The following PHF20L1 variants were observed in gnomAD, a reference collection of about 807,000 sequenced individuals.
PHF20L1 encodes the protein PHD finger protein 20-like protein 1.
A neutral mutation model predicts 125.5 loss-of-function variants in PHF20L1; 44 were observed. The observed-to-expected ratio is 0.35, with a 90% CI of 0.28 to 0.45. The LOEUF (loss-of-function observed/expected upper bound fraction) is 0.45, where lower values mean the gene tolerates loss of function less well. Ranked by LOEUF, PHF20L1 falls within the 20% of genes least tolerant of loss-of-function variation. The probability of loss-of-function intolerance (pLI) is 1.00; values close to 1 mark genes in which losing one functional copy is unlikely to be tolerated. For synonymous variants in PHF20L1, 380 were observed against 403.1 expected (o/e 0.94, Z 0.69); for missense variants, 1,012 against 1,217.2 (o/e 0.83, Z 2.51).
At chr8:132,802,810 G>C (rs1358017450) in intron 6 of PHF20L1, among the ~76,000 whole-genome samples, 1 of 151,708 alleles carries the variant, frequency 6.6e-6, no homozygotes, top group African/African-American at 2.4e-5. Flanking sequence ...GCTTATATTT[G>C]TTAATGTAAA....
chr8:132,843,613 G>GTGTGTGTT (rs1554644652), intron 19 of PHF20L1: 1 of 956,040 alleles, frequency 1.0e-6, no homozygotes, highest in African/African-American at 1.8e-5. Context: ...CATTGTGTGT[G>GTGTGTGTT]TGTGTGTGTG....
chr8:132,837,352 A>G (rs1837474461), intron 16 of PHF20L1, among the ~76,000 whole-genome samples: 2 of 152,258 alleles, frequency 1.3e-5, no homozygotes, highest in East Asian at 3.9e-4. Flanking sequence ...TCATTGGTAT[A>G]GACACTGCTA....
At chr8:132,804,471 A>G (rs944704780) in intron 7 of PHF20L1, 144 bp from the exon 8 acceptor site, 18 of 542,156 alleles carry the variant, frequency 3.3e-5, no homozygotes, top group Non-Finnish European at 5.9e-5. Flanking sequence ...GTCTGGAGGG[A>G]TTTGTGTTTT....
intron 13 of PHF20L1, chr8:132,824,822 T>A (rs1835981762): frequency 4.7e-6 from 1 of 213,672 alleles, no homozygotes. Context: ...ATGAATTGAT[T>A]TAATTATTTT....
chr8:132,832,235 A>T lies in PHF20L1; in HGVS notation c.1745A>T (p.Asp582Val). 3 of 1,562,740 alleles carry T rather than the reference A, an allele frequency of 1.9e-6. No homozygotes were observed. The highest frequency in any genetic ancestry group is 2.6e-6 in the Non-Finnish European group (3 of 1,134,322). The stretch of plus-strand genomic sequence containing the variant: ...TTTCTTTCTGTATCTTATGTTGCAG[A>T]CTATTCAGACTATGAAGACAGTTCC... ...KKKKKKSKQH[D>V]YSDYEDSSLE... is the part of the protein sequence containing the mutation. The change falls in exon 15 of 21, where the codon GAC becomes GTC. Residue 582 changes from aspartate (D) to valine (V), a missense_variant and splice_region_variant. By Grantham distance (152) the Asp-to-Val change is radical. Transcript: ENST00000395386.
chr8:132,828,131 A>G (rs1836389588), intron 14 of PHF20L1, among the ~76,000 whole-genome samples: 1 of 152,016 alleles, frequency 6.6e-6, no homozygotes, highest in Non-Finnish European at 1.5e-5. Context: ...GGCTTCTAGT[A>G]TGTTTTTTAG....
chr8:132,830,065 A>AT (rs1836596141), intron 14 of PHF20L1, among the ~76,000 whole-genome samples: 1 of 152,030 alleles, frequency 6.6e-6, no homozygotes, highest in African/African-American at 2.4e-5. Context: ...GGAGTCCAAA[A>AT]TGGGTCTCTC....
intron 8 of PHF20L1, among the ~76,000 whole-genome samples, chr8:132,805,212 T>G (rs1833544208): frequency 6.6e-6 from 1 of 152,020 alleles, no homozygotes; most frequent in South Asian, 2.1e-4. Context: ...ATTTCTGATG[T>G]GAAAGTATTT....
intron 2 of PHF20L1, among the ~76,000 whole-genome samples, 164 bp downstream of exon 2, chr8:132,778,075 T>C (rs1185724012): frequency 2.0e-5 from 3 of 152,244 alleles, no homozygotes; most frequent in Non-Finnish European, 4.4e-5. Flanking sequence ...TTAGGCTTTT[T>C]AGGTTTAGCA....
chr8:132,794,021 A>G (rs1832099347), intron 2 of PHF20L1, among the ~76,000 whole-genome samples: 1 of 152,184 alleles, frequency 6.6e-6, no homozygotes. Flanking sequence ...GACAGTCTTC[A>G]GTTTTTCCAA....
rs1353222017 is a variant in PHF20L1, at chr8:132,817,024, G to A, written c.1320G>A (p.Gly440=). The A allele has an allele frequency of 3.7e-6, 6 of 1,605,762 alleles. No individual in the cohort carries two copies. The highest frequency in any genetic ancestry group is 3.3e-5 in the South Asian group (3 of 90,256). ...CTTCTCCCTCTCCAGCCACTGATGG[G>A]AAAGTATTCTCCATCAGTTCTCAAA... is the stretch of plus-strand genomic sequence containing the variant. The part of the protein sequence containing the change: ...KVSSPSPATD[G]KVFSISSQNQ... The change falls in exon 11 of 21, where the codon GGG becomes GGA. Residue 440 remains glycine (G), a synonymous_variant. Transcript: ENST00000395386.
chr8:132,814,094 A>G (rs1412797960), intron 9 of PHF20L1, among the ~76,000 whole-genome samples: 1 of 151,846 alleles, frequency 6.6e-6, no homozygotes, highest in Non-Finnish European at 1.5e-5. Context: ...AGCTTTCAGC[A>G]CTAAAATGAG....
intron 2 of PHF20L1, among the ~76,000 whole-genome samples, chr8:132,784,185 C>T (rs1057507688): frequency 2.0e-5 from 3 of 152,076 alleles, no homozygotes; most frequent in Admixed American, 6.6e-5. Context: ...CACCTGGTTT[C>T]GGGTTGTTCT....
chr8:132,832,741 T>C (rs1254508061), intron 15 of PHF20L1, among the ~76,000 whole-genome samples: 1 of 152,142 alleles, frequency 6.6e-6, no homozygotes, highest in African/African-American at 2.4e-5. Context: ...AAGTAGCTTT[T>C]CGGCTTAGCT....
chr8:132,790,162 T>C (rs996834671), intron 2 of PHF20L1, among the ~76,000 whole-genome samples: 17 of 152,216 alleles, frequency 1.1e-4, no homozygotes, highest in African/African-American at 3.1e-4. Context: ...AAAAATCTTA[T>C]GTTTAATTCA....
intron 2 of PHF20L1, among the ~76,000 whole-genome samples, chr8:132,786,439 T>G (rs1041300264): frequency 1.3e-5 from 2 of 152,134 alleles, no homozygotes; most frequent in Non-Finnish European, 2.9e-5. Flanking sequence ...TAGGCATGCT[T>G]CTTGTATATG....
intron 2 of PHF20L1, among the ~76,000 whole-genome samples, chr8:132,787,222 CAGTG>C (rs754491343): frequency 4.6e-4 from 70 of 150,938 alleles, no homozygotes; most frequent in Non-Finnish European, 8.7e-4. Flanking sequence ...TTAGAACTGA[CAGTG>C]AGAGTGAACA....
intron 19 of PHF20L1, chr8:132,843,807 C>T (rs1838180037): frequency 1.0e-6 from 1 of 985,052 alleles, no homozygotes; most frequent in African/African-American, 1.7e-5. Flanking sequence ...CTTATGTCCA[C>T]TTATATCACC....
intron 10 of PHF20L1, chr8:132,816,416 A>G (rs931603638): frequency 2.6e-5 from 4 of 152,186 alleles, no homozygotes; most frequent in Non-Finnish European, 5.9e-5. Flanking sequence ...ACATTAGTGT[A>G]AAGTAAATCA....
Sources: gnomAD v4.1 joint callset for allele counts (sites outside exome capture counted in the v4.1 genomes callset) on GRCh38, gnomAD v4.1.1 for gene constraint, MANE v1.5 for transcripts, NCBI Gene and HGNC (gene_info 2026-07-23, HGNC 2026-07-21) for gene names.